Variants in ARHGEF12 observed in about 807,000 individuals in gnomAD.
ARHGEF12 encodes the protein Rho guanine nucleotide exchange factor 12, also known as KMT2A/ARHGEF12 fusion protein.
In ARHGEF12, 66 loss-of-function variants were observed where a neutral mutation model predicts 211.2. The observed-to-expected ratio is 0.31, with a 90% CI of 0.26 to 0.38. The LOEUF (loss-of-function observed/expected upper bound fraction) is 0.38, where lower values mean the gene tolerates loss of function less well. ARHGEF12 is among the 10% of genes least tolerant of loss of function. The pLI is 1.00. For synonymous variants in ARHGEF12, 592 were observed against 638.4 expected (o/e 0.93, Z 1.09); for missense variants, 1,429 against 1,869.5 (o/e 0.76, Z 4.34).
chr11:120,459,799 C>A (rs1427604673), intron 26 of ARHGEF12, among the ~76,000 whole-genome samples: 1 of 152,112 alleles, frequency 6.6e-6, no homozygotes, highest in Non-Finnish European at 1.5e-5. Flanking sequence ...ACCTCTGCCC[C>A]CTGGGTTCAA....
At chr11:120,469,906 T>G (rs1352105618) in intron 30 of ARHGEF12, among the ~76,000 whole-genome samples, 1 of 152,218 alleles carries the variant, frequency 6.6e-6, no homozygotes, top group Non-Finnish European at 1.5e-5. Context: ...TGAGCCAAGC[T>G]CTGAAGGATG....
At chr11:120,347,154 TCCTTCCTTCCTTCCTTC>T (rs1565416982) in intron 1 of ARHGEF12, among the ~76,000 whole-genome samples, 4,290 of 102,854 alleles carry the variant, frequency 0.042, 211 homozygotes, top group South Asian at 0.061. Context: ...CTTCCTTCCT[TCCTTCCTTCCTTCCTTC>T]CTTCCTTCCT....
chr11:120,465,043 A>T, intron 27 of ARHGEF12, 194 bp from the exon 28 acceptor site: 1 of 621,664 alleles, frequency 1.6e-6, no homozygotes, highest in Non-Finnish European at 2.7e-6. Flanking sequence ...ACATTGGAAT[A>T]TGATCAGAAA....
At chr11:120,446,803 A>T in intron 17 of ARHGEF12, 145 bp from the exon 18 acceptor site, 1 of 980,346 alleles carries the variant, frequency 1.0e-6, no homozygotes, top group Non-Finnish European at 1.5e-6. Flanking sequence ...TTCCTCTGGT[A>T]TCCTAGATGA....
intron 1 of ARHGEF12, among the ~76,000 whole-genome samples, chr11:120,351,433 ATATATATATATATATATATATATT>A (rs1440704617): frequency 3.2e-3 from 12 of 3,718 alleles, no homozygotes; most frequent in African/African-American, 8.2e-3. Flanking sequence ...ATATATATAT[ATATATATATATATATATATATATT>A]TTTTTTTTTT....
chr11:120,485,210 C>G lies in ARHGEF12; in HGVS notation c.*133C>G, dbSNP rs1947368037. 4 of 1,143,654 alleles carry G rather than the reference C, an allele frequency of 3.5e-6. No homozygotes were observed. In the African/African-American group the frequency reaches 4.6e-5, roughly 13 times the overall value. The allele number at this position is 1,143,654 out of a possible 1,614,324, so 70.8% of individuals were successfully genotyped here. A position where few individuals can be genotyped will look rare whatever the true frequency, so the allele number is the denominator to read the frequency against. On this transcript the variant is annotated 3_prime_UTR_variant, in exon 41 of 41. Transcript: ENST00000397843. ...TGCCTGTGAACCACCTGGGATTAGT[C>G]AAGTCCCAAGGTGCCCAGAGTGGGA...
At chr11:120,405,737 A>G (rs992928925) in intron 1 of ARHGEF12, among the ~76,000 whole-genome samples, 3 of 152,208 alleles carry the variant, frequency 2.0e-5, no homozygotes, top group African/African-American at 7.2e-5. Flanking sequence ...TTAAAAATCT[A>G]TAAAATGGAA....
chr11:120,446,067 G>A (rs761458059), intron 16 of ARHGEF12, among the ~76,000 whole-genome samples: 29 of 151,668 alleles, frequency 1.9e-4, no homozygotes, highest in South Asian at 4.2e-4. Flanking sequence ...GCGTGGTGGC[G>A]GGCGCCTGTT....
chr11:120,354,042 C>T (rs963069488), intron 1 of ARHGEF12, among the ~76,000 whole-genome samples: 15 of 152,100 alleles, frequency 9.9e-5, no homozygotes, highest in Non-Finnish European at 8.8e-5. Flanking sequence ...CGGGACCATA[C>T]CTGGAGGGGC....
intron 1 of ARHGEF12, among the ~76,000 whole-genome samples, chr11:120,383,881 G>A (rs890048769): frequency 6.6e-6 from 1 of 152,088 alleles, no homozygotes; most frequent in African/African-American, 2.4e-5. Flanking sequence ...ATTAATGGAT[G>A]ACTAAAGTTT....
At chr11:120,483,856 C>T (rs559273267) in intron 39 of ARHGEF12, among the ~76,000 whole-genome samples, 76 of 152,230 alleles carry the variant, frequency 5.0e-4, no homozygotes, top group Non-Finnish European at 8.2e-4. Flanking sequence ...CCTCGTGATC[C>T]GCCTGCCTCG....
chr11:120,392,245 C>A (rs568633064), intron 1 of ARHGEF12, among the ~76,000 whole-genome samples: 26 of 152,226 alleles, frequency 1.7e-4, no homozygotes, highest in Non-Finnish European at 3.2e-4. Context: ...TGGCCCACAT[C>A]TTCCCATGGC....
intron 36 of ARHGEF12, 112 bp downstream of exon 36, chr11:120,477,638 G>C: frequency 1.0e-6 from 1 of 953,080 alleles, no homozygotes; most frequent in South Asian, 1.6e-5. Flanking sequence ...GTCGAGATAG[G>C]CGTATCACCT....
chr11:120,474,189 T>C (rs1281262132), intron 31 of ARHGEF12, among the ~76,000 whole-genome samples: 1 of 152,214 alleles, frequency 6.6e-6, no homozygotes, highest in African/African-American at 2.4e-5. Context: ...CACTTTCTTA[T>C]AGACAAGCAT....
chr11:120,436,599 G>A (rs1945700483), intron 11 of ARHGEF12, among the ~76,000 whole-genome samples: 1 of 151,990 alleles, frequency 6.6e-6, no homozygotes, highest in Non-Finnish European at 1.5e-5. Context: ...AAATATTCAG[G>A]GATAGAAATG....
chr11:120,452,222 T>C (rs1002118809), intron 22 of ARHGEF12, among the ~76,000 whole-genome samples: 9 of 152,166 alleles, frequency 5.9e-5, no homozygotes, highest in African/African-American at 2.2e-4. Flanking sequence ...GGAGACAGTA[T>C]ATAAGTAGTA....
At chr11:120,448,689 A>G (rs898008720) in intron 20 of ARHGEF12, 11 of 301,580 alleles carry the variant, frequency 3.6e-5, no homozygotes, top group African/African-American at 1.7e-4. Flanking sequence ...GCAGTAGAGT[A>G]TTCTGTCAGT....
chr11:120,437,437 A>G (rs1945728518), intron 12 of ARHGEF12, 55 bp downstream of exon 12: 12 of 1,401,904 alleles, frequency 8.6e-6, no homozygotes, highest in Non-Finnish European at 9.0e-6. Context: ...CTTATACTTA[A>G]AGTATGGTAT....
At position 120,421,880 on chromosome 11, in the gene ARHGEF12, C is replaced by T. The variant is rs376995719; in HGVS notation, c.348+28C>T. Reference sequence around the variant, plus strand: ...AAGGAATAGGCTATTATAGAATTTACGGTAGGATTAAAAAACAACATATAT... The same window carrying T: ...AAGGAATAGGCTATTATAGAATTTATGGTAGGATTAAAAAACAACATATAT... On this transcript the variant is annotated intron_variant, in intron 6 of 40. Coordinates refer to ENST00000397843, the MANE Select transcript of ARHGEF12 (RefSeq NM_015313.3). 52 of 1,574,622 alleles carry T rather than the reference C, an allele frequency of 3.3e-5. 1 individual carries two copies. Among genetic ancestry groups the T allele is most frequent in the South Asian group, 8.1e-5 (7 of 86,868 alleles).
Sources: allele counts gnomAD v4.1 joint callset (sites outside exome capture counted in the v4.1 genomes callset), GRCh38; gene constraint gnomAD v4.1.1; transcripts MANE v1.5; gene names NCBI Gene and HGNC (gene_info 2026-07-23, HGNC 2026-07-21).